MAGI2: variants seen among roughly 807,000 people sequenced by gnomAD.
MAGI2 encodes the protein membrane-associated guanylate kinase, WW and PDZ domain-containing protein 2.
MAGI2 carries 35 observed loss-of-function variants against 133.3 expected under a neutral mutation model. That is an observed-to-expected ratio of 0.26 (90% CI 0.20 to 0.35). The LOEUF (loss-of-function observed/expected upper bound fraction) is 0.35. Among genes scored for constraint, MAGI2 ranks in the 10% least tolerant of loss-of-function variants. The pLI, the probability that MAGI2 is intolerant of heterozygous loss-of-function variation, is 1.00. For missense variants in MAGI2, 1,636 were observed against 1,863.4 expected (o/e 0.88, Z 2.25); for synonymous variants, 729 against 710.6 (o/e 1.03, Z -0.41).
intron 2 of MAGI2, among the ~76,000 whole-genome samples, chr7:78,823,448 T>C (rs867634911): frequency 6.8e-4 from 103 of 152,002 alleles, no homozygotes; most frequent in South Asian, 3.5e-3. Flanking sequence ...CTGGGCGTGG[T>C]GGCGGGCGCC....
chr7:79,434,425 T>TA (rs929965494), intron 1 of MAGI2, among the ~76,000 whole-genome samples: 3 of 152,158 alleles, frequency 2.0e-5, no homozygotes, highest in South Asian at 2.1e-4. Context: ...AAAATGATAG[T>TA]AAAAAAACTA....
chr7:79,453,310 C>A lies in MAGI2; in HGVS notation c.11G>T (p.Ser4Ile), dbSNP rs766971610. MSK[S>I]LKKKSHWTSK... ...AGTCCAGTGGCTTTTCTTTTTCAAG[C>A]TTTTGGACATGGCAGTGGGGCGAGT... Residue 4 changes from serine to isoleucine, a missense_variant, in exon 1 of 22, where the codon AGC (serine) becomes ATC (isoleucine). Transcript: ENST00000354212. 8 of 1,610,124 alleles carry A rather than the reference C, an allele frequency of 5.0e-6. No homozygotes were observed. The East Asian group carries it at 1.1e-4, about 22-fold the overall frequency.
At chr7:79,174,241 G>A (rs1207411780) in intron 1 of MAGI2, among the ~76,000 whole-genome samples, 1 of 151,776 alleles carries the variant, frequency 6.6e-6, no homozygotes, top group Non-Finnish European at 1.5e-5. Context: ...AATTGAAAAA[G>A]AATCATCTAT....
intron 3 of MAGI2, among the ~76,000 whole-genome samples, chr7:78,527,029 A>AAAAAAAAAAAAAAAAAAAAG (rs1563125198): frequency 6.4e-5 from 8 of 124,828 alleles, no homozygotes; most frequent in Non-Finnish European, 1.2e-4. Flanking sequence ...AAAAAAAAAA[A>AAAAAAAAAAAAAAAAAAAAG]AAAAAGAAAA....
chr7:78,889,577 C>T (rs1232244714), intron 2 of MAGI2, among the ~76,000 whole-genome samples: 1 of 152,186 alleles, frequency 6.6e-6, no homozygotes, highest in African/African-American at 2.4e-5. Flanking sequence ...CAATATTTAA[C>T]ATTCTTAAAG....
intron 10 of MAGI2, among the ~76,000 whole-genome samples, chr7:78,209,528 T>C (rs1284605612): frequency 2.0e-5 from 3 of 152,068 alleles, no homozygotes; most frequent in Non-Finnish European, 4.4e-5. Flanking sequence ...CCCAAAGTGC[T>C]GGGATTACAG....
intron 2 of MAGI2, among the ~76,000 whole-genome samples, chr7:78,799,237 A>G (rs990461934): frequency 1.3e-5 from 2 of 152,160 alleles, no homozygotes; most frequent in Non-Finnish European, 2.9e-5. Context: ...GATAGCATAC[A>G]AGGGGCTGTA....
chr7:79,438,458 C>A (rs1343001171), intron 1 of MAGI2, among the ~76,000 whole-genome samples: 1 of 151,984 alleles, frequency 6.6e-6, no homozygotes, highest in Non-Finnish European at 1.5e-5. Flanking sequence ...CACTAAGAAC[C>A]ACAATATTCT....
chr7:78,987,979 G>A (rs1805424562), intron 2 of MAGI2, among the ~76,000 whole-genome samples: 1 of 152,028 alleles, frequency 6.6e-6, no homozygotes, highest in African/African-American at 2.4e-5. Context: ...GTTCGTATTA[G>A]TTAAAATAAT....
intron 6 of MAGI2, among the ~76,000 whole-genome samples, chr7:78,434,766 G>T (rs1054656860): frequency 2.6e-5 from 4 of 152,138 alleles, no homozygotes; most frequent in African/African-American, 9.7e-5. Context: ...TTGGGGAAAT[G>T]AATGGAAGTA....
At chr7:78,808,938 T>A (rs954303999) in intron 2 of MAGI2, among the ~76,000 whole-genome samples, 2 of 152,178 alleles carry the variant, frequency 1.3e-5, no homozygotes, top group African/African-American at 4.8e-5. Flanking sequence ...CAAACTTAAT[T>A]TCTGTCAGGA....
intron 1 of MAGI2, among the ~76,000 whole-genome samples, chr7:79,408,411 C>A (rs1288638307): frequency 6.6e-6 from 1 of 151,576 alleles, no homozygotes; most frequent in African/African-American, 2.4e-5. Flanking sequence ...CAAAAAATGT[C>A]TAGAGTTGGG....
intron 1 of MAGI2, among the ~76,000 whole-genome samples, chr7:79,214,952 T>C (rs1829899699): frequency 6.7e-6 from 1 of 149,096 alleles, no homozygotes; most frequent in East Asian, 1.9e-4. Flanking sequence ...AACATATGTT[T>C]ATATAAACTT....
chr7:79,282,943 A>G (rs112899837), intron 1 of MAGI2, among the ~76,000 whole-genome samples: 4,949 of 152,126 alleles, frequency 0.033, 123 homozygotes, highest in Non-Finnish European at 0.048. Context: ...TGGGAAGGAC[A>G]AAAGGCAATT....
At chr7:78,052,577 C>T (rs1703171314) in intron 21 of MAGI2, among the ~76,000 whole-genome samples, 1 of 152,214 alleles carries the variant, frequency 6.6e-6, no homozygotes, top group Admixed American at 6.5e-5. Flanking sequence ...GGCAGCCAGG[C>T]ATCCTGGACC....
chr7:79,268,229 C>T (rs1834624325), intron 1 of MAGI2, among the ~76,000 whole-genome samples: 1 of 152,080 alleles, frequency 6.6e-6, no homozygotes, highest in African/African-American at 2.4e-5. Context: ...GCCAGAATGC[C>T]ATACTTTTGG....
intron 2 of MAGI2, among the ~76,000 whole-genome samples, chr7:78,780,218 C>G (rs567843629): frequency 6.6e-6 from 1 of 152,210 alleles, no homozygotes; most frequent in East Asian, 1.9e-4. Flanking sequence ...GTAAATATGC[C>G]CATTACGGCA....
intron 1 of MAGI2, among the ~76,000 whole-genome samples, chr7:79,184,697 T>C (rs1378487637): frequency 6.6e-6 from 1 of 151,800 alleles, no homozygotes; most frequent in Non-Finnish European, 1.5e-5. Flanking sequence ...ATAAAAACAG[T>C]AGGTTACTAA....
At chr7:79,238,738 C>A (rs956885338) in intron 1 of MAGI2, among the ~76,000 whole-genome samples, 3 of 152,136 alleles carry the variant, frequency 2.0e-5, no homozygotes, top group Admixed American at 6.5e-5. Flanking sequence ...TGAAATCTTA[C>A]ATGAGCATAA....
Sources: gnomAD v4.1 joint callset for allele counts (sites outside exome capture counted in the v4.1 genomes callset) on GRCh38, gnomAD v4.1.1 for gene constraint, MANE v1.5 for transcripts, NCBI Gene and HGNC (gene_info 2026-07-23, HGNC 2026-07-21) for gene names.